The following TSGA10 variants were observed in gnomAD, a reference collection of about 807,000 sequenced individuals.
The protein encoded by TSGA10 is testis-specific gene 10 protein.
In TSGA10, 43 loss-of-function variants were observed where a neutral mutation model predicts 96.6. That is an observed-to-expected ratio of 0.44 (90% CI 0.35 to 0.57). The LOEUF (loss-of-function observed/expected upper bound fraction) is 0.57, where lower values mean the gene tolerates loss of function less well. Among genes scored for constraint, TSGA10 ranks in the 20% least tolerant of loss-of-function variants. The probability of loss-of-function intolerance (pLI) is 0.01; values close to 1 mark genes in which losing one functional copy is unlikely to be tolerated. For synonymous variants in TSGA10, 229 were observed against 269.9 expected, an observed-to-expected ratio of 0.85 and a Z score of 1.48; for missense variants, 703 against 834.4, an observed-to-expected ratio of 0.84 and a Z score of 1.94.
At chr2:99,019,904 T>C (rs1319129906) in intron 18 of TSGA10, among the ~76,000 whole-genome samples, 2 of 152,150 alleles carry the variant, frequency 1.3e-5, no homozygotes, top group Non-Finnish European at 2.9e-5. Context: ...GTACATGCAA[T>C]AGGTACAAAA....
intron 10 of TSGA10, among the ~76,000 whole-genome samples, chr2:99,090,206 GAAGA>G (rs2089138804): frequency 6.6e-6 from 1 of 152,118 alleles, no homozygotes; most frequent in Non-Finnish European, 1.5e-5. Context: ...ATCCCTCTAG[GAAGA>G]GAGAGAGAAT....
intron 2 of TSGA10, among the ~76,000 whole-genome samples, chr2:99,120,799 TC>T (rs1464735862): frequency 5.9e-5 from 9 of 152,268 alleles, no homozygotes; most frequent in African/African-American, 1.9e-4. Context: ...ATAGAACTGT[TC>T]CATTACAACG....
Position 99,127,144 on chromosome 2 carries a change from C to T in TSGA10, c.-588G>A. 7.8e-7 allele frequency: 1 copy of T among 1,288,356 alleles called. No homozygotes were observed. Among genetic ancestry groups the T allele is most frequent in the Non-Finnish European group, 1.0e-6 (1 of 988,442 alleles). 79.8% of individuals were successfully genotyped at this position (1,288,356 alleles called of 1,614,324 possible). On this transcript the variant is annotated 5_prime_UTR_variant, in exon 2 of 21. Coordinates refer to ENST00000393483, the MANE Select transcript of TSGA10 (RefSeq NM_025244.4). ...AGTTTTCAGCTTCAGAAACTGGAGC[C>T]CCTAGACCAAAATCATATTCTTTGG...
chr2:99,030,367 G>C (rs1468375683), intron 17 of TSGA10, among the ~76,000 whole-genome samples: 1 of 151,066 alleles, frequency 6.6e-6, no homozygotes, highest in Non-Finnish European at 1.5e-5. Flanking sequence ...AAAATTATTG[G>C]CTGGGCATGC....
rs112274668 is a variant in TSGA10, at chr2:99,011,822, C to T, written c.2072+6378G>A. On this transcript the variant is annotated intron_variant, in intron 20 of 20. Coordinates refer to ENST00000393483, the MANE Select transcript of TSGA10 (RefSeq NM_025244.4). ...GTTTGGAGATCTAGACCTCCAAACA[C>T]AAGAAGCTCAAAGAACACCTGGGAA... Among the ~76,000 whole-genome samples the T allele has an allele frequency of 5.3e-3, 811 of 152,120 alleles. 3 individuals are homozygous for T. Among genetic ancestry groups the T allele is most frequent in the Non-Finnish European group, 7.8e-3 (528 of 67,998 alleles).
At chr2:99,035,474 A>G in intron 16 of TSGA10, 35 bp from the exon 17 acceptor site, 1 of 1,385,866 alleles carries the variant, frequency 7.2e-7, no homozygotes, top group Non-Finnish European at 9.8e-7. Flanking sequence ...GTATGTATAC[A>G]TATATATTAA....
chr2:99,035,569 C>T (rs1477930793), intron 16 of TSGA10, 130 bp from the exon 17 acceptor site: 9 of 542,974 alleles, frequency 1.7e-5, no homozygotes, highest in African/African-American at 9.8e-5. Context: ...TTAAATAATA[C>T]AGGTGGTAAC....
At chr2:99,029,830 A>G (rs2080973829) in intron 17 of TSGA10, among the ~76,000 whole-genome samples, 1 of 152,212 alleles carries the variant, frequency 6.6e-6, no homozygotes, top group Non-Finnish European at 1.5e-5. Flanking sequence ...ATTGGGAAGA[A>G]GGTAAGATGT....
chr2:99,025,732 A>G (rs1436694143), intron 17 of TSGA10, among the ~76,000 whole-genome samples: 1 of 152,298 alleles, frequency 6.6e-6, no homozygotes, highest in East Asian at 1.9e-4. Flanking sequence ...ATTTATAGCT[A>G]TAAATTTCCC....
intron 16 of TSGA10, among the ~76,000 whole-genome samples, chr2:99,050,744 AT>A (rs1220926557): frequency 1.3e-5 from 2 of 152,168 alleles, no homozygotes; most frequent in African/African-American, 2.4e-5. Context: ...TAAAGGAGGA[AT>A]AGAGGAACAA....
chr2:99,033,264 C>G (rs1290359257), intron 17 of TSGA10, among the ~76,000 whole-genome samples: 1 of 152,196 alleles, frequency 6.6e-6, no homozygotes, highest in Non-Finnish European at 1.5e-5. Flanking sequence ...AGTACATGCC[C>G]TTAACTCATG....
intron 12 of TSGA10, among the ~76,000 whole-genome samples, chr2:99,076,345 C>A (rs1017386064): frequency 1.3e-5 from 2 of 152,124 alleles, no homozygotes; most frequent in African/African-American, 4.8e-5. Flanking sequence ...ACTCTCATTT[C>A]CCTATAATCC....
Position 99,081,200 on chromosome 2 carries a change from T to C in TSGA10, c.727+82A>G, listed in dbSNP as rs866074217. The C allele has an allele frequency of 3.1e-5, 21 of 680,404 alleles. No individual in the cohort carries two copies. The African/African-American group carries it at 3.7e-4, about 12-fold the overall frequency. The allele number at this position is 680,404 out of a possible 1,614,324, so 42.1% of individuals were successfully genotyped here. A position where few individuals can be genotyped will look rare whatever the true frequency, so the allele number is the denominator to read the frequency against. On this transcript the variant is annotated intron_variant, in intron 11 of 20. Coordinates refer to ENST00000393483, the MANE Select transcript of TSGA10 (RefSeq NM_025244.4). ...AAGGGCTTGTTTCCAAGTTTTTCTA[T>C]GTTATACTGAAGAGAAGAAAATACA...
intron 1 of TSGA10, chr2:99,147,497 A>AG: frequency 6.2e-7 from 1 of 1,613,912 alleles, no homozygotes. Context: ...AGTTAAGGTA[A>AG]GACTCACAGG....
intron 7 of TSGA10, among the ~76,000 whole-genome samples, chr2:99,106,226 A>G (rs898260703): frequency 1.3e-5 from 2 of 152,180 alleles, no homozygotes; most frequent in South Asian, 2.1e-4. Flanking sequence ...AGATTATTTA[A>G]TATCACAGTT....
chr2:99,133,830 C>T (rs2093211815), intron 1 of TSGA10, among the ~76,000 whole-genome samples: 1 of 152,154 alleles, frequency 6.6e-6, no homozygotes. Context: ...TTTTATTTCT[C>T]CTTTGTTTAT....
intron 15 of TSGA10, among the ~76,000 whole-genome samples, chr2:99,066,445 ACTGT>A (rs779458761): frequency 6.6e-6 from 1 of 152,172 alleles, no homozygotes; most frequent in Non-Finnish European, 1.5e-5. Flanking sequence ...TGCAGTACTT[ACTGT>A]CTATGTCATT....
intron 16 of TSGA10, among the ~76,000 whole-genome samples, chr2:99,062,598 T>TG (rs2104448021): frequency 6.6e-6 from 1 of 152,206 alleles, no homozygotes; most frequent in East Asian, 1.9e-4. Context: ...TAGCTGGGTG[T>TG]GGTGACTCAC....
intron 10 of TSGA10, among the ~76,000 whole-genome samples, chr2:99,084,218 G>A (rs921418349): frequency 6.6e-6 from 1 of 152,172 alleles, no homozygotes; most frequent in Non-Finnish European, 1.5e-5. Context: ...ATGCAGCCAA[G>A]GCTGTTAAGG....
Sources: gnomAD v4.1 joint callset for allele counts (sites outside exome capture counted in the v4.1 genomes callset) on GRCh38, gnomAD v4.1.1 for gene constraint, MANE v1.5 for transcripts, NCBI Gene and HGNC (gene_info 2026-07-23, HGNC 2026-07-21) for gene names.